Variants in GATD1 observed in about 807,000 individuals in gnomAD.
The protein encoded by GATD1 is glutamine amidotransferase class 1 domain containing 1.
GATD1 carries 23 observed loss-of-function variants against 25.9 expected under a neutral mutation model. That is an observed-to-expected ratio of 0.89 (90% confidence interval 0.64 to 1.26). The LOEUF (loss-of-function observed/expected upper bound fraction) is 1.26. Among genes scored for constraint, GATD1 ranks in the 50% most tolerant of loss-of-function variants. The pLI is 0.00. For synonymous variants in GATD1, 177 were observed against 134.6 expected (o/e 1.31, Z -2.18); for missense variants, 347 against 312.5 (o/e 1.11, Z -0.83).
In GATD1 at chr11:777,467, C is replaced by G; in HGVS notation, c.-5G>C. The G allele has an allele frequency of 8.1e-7, 1 of 1,234,064 alleles. No individual in the cohort carries two copies. The highest frequency in any genetic ancestry group is 1.0e-6 in the Non-Finnish European group (1 of 986,400). The allele number at this position is 1,234,064 out of a possible 1,614,324, so 76.4% of individuals were successfully genotyped here. On this transcript the variant is annotated 5_prime_UTR_variant, in exon 1 of 8. Coordinates refer to ENST00000319863, the MANE Select transcript of GATD1 (RefSeq NM_182612.4). Reference sequence around the variant, plus strand: ...AGGGAGCCGCTCGGACGCCATGGCTCGGGCTCGGCGCTGGGTCTGCGCGTG... The same window carrying G: ...AGGGAGCCGCTCGGACGCCATGGCTGGGGCTCGGCGCTGGGTCTGCGCGTG...
chr11:776,015 G>C (rs1359433373), intron 1 of GATD1, among the ~76,000 whole-genome samples: 2 of 112,964 alleles, frequency 1.8e-5, no homozygotes, highest in African/African-American at 6.9e-5. Flanking sequence ...ACGGAGTCTC[G>C]GTCTGTCGCC....
chr11:767,685 G>A lies in GATD1; in HGVS notation c.*3212C>T. ...CACCTGCAAGGGGATGGTATTAGGT[G>A]GGGCATTTGGGAGGTCATCCGGTCA... On this transcript the variant is annotated 3_prime_UTR_variant, in exon 8 of 8. Transcript: ENST00000319863. The A allele has an allele frequency of 1.8e-6, 2 of 1,123,316 alleles. No individual in the cohort carries two copies. Among genetic ancestry groups the A allele is most frequent in the South Asian group, 6.1e-5 (2 of 32,912 alleles). The allele number at this position is 1,123,316 out of a possible 1,614,324, so 69.6% of individuals were successfully genotyped here.
At chr11:774,346 A>G (rs531315250) in intron 2 of GATD1, among the ~76,000 whole-genome samples, 1 of 152,350 alleles carries the variant, frequency 6.6e-6, no homozygotes, top group South Asian at 2.1e-4. Flanking sequence ...TATACATAAT[A>G]AATAAACAAA....
rs1369624482 is a variant in GATD1, at chr11:775,201, G to T, written c.65-59C>A. The T allele has an allele frequency of 2.8e-6, 4 of 1,443,486 alleles. No individual in the cohort carries two copies. In the African/African-American group the frequency reaches 4.2e-5, roughly 15 times the overall value. The allele number at this position is 1,443,486 out of a possible 1,614,324, so 89.4% of individuals were successfully genotyped here. A position where few individuals can be genotyped will look rare whatever the true frequency, so the allele number is the denominator to read the frequency against. On this transcript the variant is annotated intron_variant, in intron 1 of 7. Coordinates refer to ENST00000319863, the MANE Select transcript of GATD1 (RefSeq NM_182612.4). The stretch of plus-strand genomic sequence containing the variant: ...GGACTAGCGTGCCCCGCCTCAGGGG[G>T]CTACCCAGACACCCCCATGGCCTCG...
At position 772,516 on chromosome 11, in the gene GATD1, T is replaced by G; in HGVS notation, c.361A>C (p.Ile121Leu). ...LQHFHSESKP[I>L]CAVGHGVAAL... Reference sequence around the variant, plus strand: ...GCGACACCGTGGCCGACGGCGCAGATGGGTTCTGAAAGCCGTACATGGCGT... The same window carrying G: ...GCGACACCGTGGCCGACGGCGCAGAGGGGTTCTGAAAGCCGTACATGGCGT... The change falls in exon 5 of 8, where the codon ATC becomes CTC. Residue 121 changes from isoleucine to leucine, a missense_variant. Coordinates refer to ENST00000319863, the MANE Select transcript of GATD1 (RefSeq NM_182612.4). The G allele has an allele frequency of 6.2e-7, 1 of 1,610,890 alleles. No individual in the cohort carries two copies. Among genetic ancestry groups the G allele is most frequent in the Non-Finnish European group, 8.5e-7 (1 of 1,179,890 alleles).
rs1053001237 is a variant in GATD1 at position 767,470 on chromosome 11, G to A, written c.*3427C>T. ...ACGCAGGGGCCTGCAGGCAGCTCAC[G>A]CGGAGACAGGTCTGTGGGGCCCCGC... On this transcript the variant is annotated 3_prime_UTR_variant, in exon 8 of 8. Transcript: ENST00000319863. The A allele has an allele frequency of 1.9e-5, 27 of 1,448,738 alleles. No individual in the cohort carries two copies. The highest frequency in any genetic ancestry group is 2.5e-5 in the East Asian group (1 of 40,070). The allele number at this position is 1,448,738 out of a possible 1,614,324, so 89.7% of individuals were successfully genotyped here. A position where few individuals can be genotyped will look rare whatever the true frequency, so the allele number is the denominator to read the frequency against.
Position 769,347 on chromosome 11 carries a change from A to C in GATD1, c.*1550T>G. On this transcript the variant is annotated 3_prime_UTR_variant, in exon 8 of 8. Coordinates refer to ENST00000319863, the MANE Select transcript of GATD1 (RefSeq NM_182612.4). The stretch of plus-strand genomic sequence containing the variant: ...TTATTATTTTTTATTTTTGAGACGG[A>C]GTTTCACTCATTGCCCAGGTTGGAG... 2.1e-6 allele frequency: 2 copies of C among 965,210 alleles called. No individual in the cohort carries two copies. The highest frequency in any genetic ancestry group is 9.6e-5 in the South Asian group (2 of 20,868). 59.8% of individuals were successfully genotyped at this position (965,210 alleles called of 1,614,324 possible).
In GATD1 at chr11:771,337, G is replaced by T; in HGVS notation, c.540C>A (p.Phe180Leu). ...GGGGGCACCCTCGAGGCTCACCACT[G>T]AAGCAGGCGCCCGAATCCTTCACGA... ...EDFVKDSGAC[F>L]SASEPDAVHV... The change falls in exon 6 of 8, where the codon TTC becomes TTA. Residue 180 changes from phenylalanine (F) to leucine (L), a missense_variant. Transcript: ENST00000319863. 1 of 1,601,240 alleles carries T rather than the reference G, an allele frequency of 6.2e-7. No homozygotes were observed. Among genetic ancestry groups the T allele is most frequent in the Non-Finnish European group, 8.5e-7 (1 of 1,174,220 alleles).
Position 775,053 on chromosome 11 carries a change from A to C in GATD1, c.141+13T>G. The C allele has an allele frequency of 3.8e-6, 6 of 1,595,560 alleles. No homozygotes were observed. The highest frequency in any genetic ancestry group is 5.1e-6 in the Non-Finnish European group (6 of 1,172,068). On this transcript the variant is annotated intron_variant, in intron 2 of 7. Coordinates refer to ENST00000319863, the MANE Select transcript of GATD1 (RefSeq NM_182612.4). ...CCCCAAGTGTCCAGTGGGGAAGGAG[A>C]GGCTGGACTTACCCCAGGGGTGGCC...
intron 6 of GATD1, 75 bp downstream of exon 6, chr11:771,258 C>T: frequency 6.4e-7 from 1 of 1,562,830 alleles, no homozygotes; most frequent in South Asian, 1.2e-5. Context: ...GCCCAGGAGG[C>T]TTCTCCCCCA....
rs1435610503 is a variant in GATD1, at chr11:774,093, C to T, written c.162G>A (p.Val54=). 1.9e-6 allele frequency: 3 copies of T among 1,613,546 alleles called. No homozygotes were observed. In the African/African-American group the frequency reaches 4.0e-5, roughly 22 times the overall value. ...ATPGGKAMEF[V]DVTESNARWV... is the part of the protein sequence containing the mutation. The stretch of plus-strand genomic sequence containing the variant: ...AGCGTGCATTGCTCTCAGTCACATC[C>T]ACAAATTCCATGGCTTTCCCCTGGA... Residue 54 remains valine (V), a synonymous_variant, in exon 3 of 8, where the codon GTG becomes GTA. Transcript: ENST00000319863.
Position 772,403 on chromosome 11 carries a change from G to C in GATD1, c.450+24C>G, listed in dbSNP as rs143506964. 1,161 of 1,584,110 alleles carry C rather than the reference G, an allele frequency of 7.3e-4. 6 individuals are homozygous for C. The African/African-American group carries it at 0.016, about 21-fold the overall frequency. ...GGGAGGACAGAGCAGGGAGCACAGC[G>C]TGCCTCGGCCTCCAGACACTCACCC... On this transcript the variant is annotated intron_variant, in intron 5 of 7. Transcript: ENST00000319863.
Position 767,569 on chromosome 11 carries a change from T to C in GATD1, c.*3328A>G. 2.8e-6 allele frequency: 4 copies of C among 1,413,054 alleles called. No homozygotes were observed. Among genetic ancestry groups the C allele is most frequent in the Non-Finnish European group, 3.7e-6 (4 of 1,088,628 alleles). The allele number at this position is 1,413,054 out of a possible 1,614,324, so 87.5% of individuals were successfully genotyped here. A position where few individuals can be genotyped will look rare whatever the true frequency, so the allele number is the denominator to read the frequency against. On this transcript the variant is annotated 3_prime_UTR_variant, in exon 8 of 8. Transcript: ENST00000319863. ...TGCTGGGCTCAATGTCAGATCTGGC[T>C]GACCAGAGGGGCTCAATGAGGCTCA... is the stretch of plus-strand genomic sequence containing the variant.
chr11:771,096 G>T lies in GATD1; in HGVS notation c.553C>A (p.Pro185Thr). Reference sequence around the variant, plus strand: ...TCCAGCACGACGTGGACAGCGTCAGGCTCGCTTGCTGGGGAGGACCGAGGG... The same window carrying T: ...TCCAGCACGACGTGGACAGCGTCAGTCTCGCTTGCTGGGGAGGACCGAGGG... ...DSGACFSASE[P>T]DAVHVVLDRH... The change falls in exon 7 of 8, where the codon CCT becomes ACT. Residue 185 changes from proline to threonine, a missense_variant. Pro to Thr is a conservative substitution (Grantham distance 38). Transcript: ENST00000319863. 1.3e-6 allele frequency: 2 copies of T among 1,599,028 alleles called. No homozygotes were observed. The highest frequency in any genetic ancestry group is 1.7e-6 in the Non-Finnish European group (2 of 1,174,772).
In GATD1 at chr11:772,530, C is replaced by T. The variant is rs368617891; in HGVS notation, c.356-9G>A. 102 of 1,608,230 alleles carry T rather than the reference C, an allele frequency of 6.3e-5. No individual in the cohort carries two copies. Among genetic ancestry groups the T allele is most frequent in the Non-Finnish European group, 7.6e-5 (90 of 1,179,622 alleles). The stretch of plus-strand genomic sequence containing the variant: ...GACGGCGCAGATGGGTTCTGAAAGC[C>T]GTACATGGCGTTGAGGCCCTGGACC... On this transcript the variant is annotated splice_polypyrimidine_tract_variant and intron_variant, in intron 4 of 7. Transcript: ENST00000319863.
chr11:772,365 C>G, intron 5 of GATD1, 62 bp downstream of exon 5: 1 of 1,144,192 alleles, frequency 8.7e-7, no homozygotes, highest in East Asian at 2.3e-5. Flanking sequence ...GACCTCACCT[C>G]TGGCTGTGAT....
In GATD1 at chr11:767,396, C is replaced by G; in HGVS notation, c.*3501G>C. The G allele has an allele frequency of 6.5e-7, 1 of 1,531,910 alleles. No individual in the cohort carries two copies. The highest frequency in any genetic ancestry group is 8.7e-7 in the Non-Finnish European group (1 of 1,144,980). The allele number at this position is 1,531,910 out of a possible 1,614,324, so 94.9% of individuals were successfully genotyped here. A position where few individuals can be genotyped will look rare whatever the true frequency, so the allele number is the denominator to read the frequency against. ...GCCCTGGCAAAGAGAGAACTGTGCACAGCGGGGAGGCTCTCCAAGCCAGAG... is the reference window on the plus strand; with the variant it reads ...GCCCTGGCAAAGAGAGAACTGTGCAGAGCGGGGAGGCTCTCCAAGCCAGAG... On this transcript the variant is annotated 3_prime_UTR_variant, in exon 8 of 8. Coordinates refer to ENST00000319863, the MANE Select transcript of GATD1 (RefSeq NM_182612.4).
rs1051788874 is a variant in GATD1, at chr11:767,271, C to A, written c.*3626G>T. On this transcript the variant is annotated 3_prime_UTR_variant, in exon 8 of 8. Coordinates refer to ENST00000319863, the MANE Select transcript of GATD1 (RefSeq NM_182612.4). Reference sequence around the variant, plus strand: ...TTCCTCATGGGTAGATGAACACACACTGGTATATGGGGAAATCCTCACCCG... The same window carrying A: ...TTCCTCATGGGTAGATGAACACACAATGGTATATGGGGAAATCCTCACCCG... The A allele has an allele frequency of 3.3e-6, 5 of 1,536,144 alleles. No homozygotes were observed. Among genetic ancestry groups the A allele is most frequent in the Admixed American group, 2.0e-5 (1 of 50,992 alleles).
rs1863668086 is a variant in GATD1, at chr11:773,610, G to A, written c.267C>T (p.Leu89=). The change falls in exon 4 of 8, where the codon CTC becomes CTT. Residue 89 remains leucine (L), a synonymous_variant. Transcript: ENST00000319863. ...ESIDGARYHA[L]LIPSCPGALT... is the part of the protein sequence containing the mutation. ...GGGCCCCAGGACAGCTGGGGATCAG[G>A]AGGGCATGGTACCGGGCACCTGGGG... 6.2e-7 allele frequency: 1 copy of A among 1,608,850 alleles called. No homozygotes were observed. Among genetic ancestry groups the A allele is most frequent in the African/African-American group, 1.3e-5 (1 of 74,684 alleles).
Sources: gnomAD v4.1 joint callset for allele counts (sites outside exome capture counted in the v4.1 genomes callset) on GRCh38, gnomAD v4.1.1 for gene constraint, MANE v1.5 for transcripts, NCBI Gene and HGNC (gene_info 2026-07-23, HGNC 2026-07-21) for gene names.